The following PTAFR variants were observed in gnomAD, a reference collection of about 807,000 sequenced individuals.
PTAFR encodes platelet-activating factor receptor.
In PTAFR, 8 loss-of-function variants were observed where a neutral mutation model predicts 14.7. The ratio of observed to expected loss-of-function variants is 0.54; its 90% CI spans 0.32 to 0.98. The LOEUF (loss-of-function observed/expected upper bound fraction) is 0.98, where lower values mean the gene tolerates loss of function less well. PTAFR is among the 50% of genes least tolerant of loss of function. PTAFR has a pLI of 0.04. For missense variants in PTAFR, 337 were observed against 451.2 expected (o/e 0.75, Z 2.29); for synonymous variants, 156 against 176.5 (o/e 0.88, Z 0.92).
chr1:28,161,476 G>A (rs1286034424), intron 1 of PTAFR, among the ~76,000 whole-genome samples: 1 of 152,160 alleles, frequency 6.6e-6, no homozygotes, highest in Non-Finnish European at 1.5e-5. Context: ...AATAAAAATA[G>A]TAACATGAAG....
At chr1:28,191,876 G>C (rs1267091678) in intron 1 of PTAFR, among the ~76,000 whole-genome samples, 1 of 151,818 alleles carries the variant, frequency 6.6e-6, no homozygotes, top group Non-Finnish European at 1.5e-5. Context: ...AACCAGCCTA[G>C]GCAACATGAT....
chr1:28,184,308 G>T (rs1472246674), intron 1 of PTAFR, among the ~76,000 whole-genome samples: 1 of 151,898 alleles, frequency 6.6e-6, no homozygotes, highest in Non-Finnish European at 1.5e-5. Context: ...GGCCAGGCTG[G>T]TCTTGAACAC....
intron 1 of PTAFR, among the ~76,000 whole-genome samples, chr1:28,173,260 C>T (rs1214246554): frequency 1.6e-5 from 2 of 128,734 alleles, no homozygotes; most frequent in Non-Finnish European, 3.1e-5. Flanking sequence ...TGCTCTTCAG[C>T]CTGGGTGACA....
At chr1:28,183,922 T>C (rs1343923320) in intron 1 of PTAFR, among the ~76,000 whole-genome samples, 1 of 151,714 alleles carries the variant, frequency 6.6e-6, no homozygotes, top group Non-Finnish European at 1.5e-5. Flanking sequence ...AAACTTTAAA[T>C]GATGGATGGA....
At chr1:28,169,681 A>G (rs565346655) in intron 1 of PTAFR, among the ~76,000 whole-genome samples, 7 of 152,240 alleles carry the variant, frequency 4.6e-5, no homozygotes, top group African/African-American at 1.7e-4. Flanking sequence ...AGTGGTGTGA[A>G]GAGTCAATGA....
chr1:28,156,944 A>G (rs1176429006), intron 1 of PTAFR, among the ~76,000 whole-genome samples: 1 of 151,188 alleles, frequency 6.6e-6, no homozygotes, highest in Non-Finnish European at 1.5e-5. Context: ...TCAGGTCCGC[A>G]CCTCCCTGCT....
intron 1 of PTAFR, among the ~76,000 whole-genome samples, chr1:28,173,964 C>T (rs1422552438): frequency 6.6e-6 from 1 of 152,212 alleles, no homozygotes; most frequent in African/African-American, 2.4e-5. Context: ...GGGGAGCTGT[C>T]TGGCTGGAGC....
In PTAFR at chr1:28,148,143, C is replaced by G. The variant is rs1013891713; in HGVS notation, c.*1850G>C. The G allele has an allele frequency of 4.6e-5, 7 of 152,212 alleles. No individual in the cohort carries two copies. Among genetic ancestry groups the G allele is most frequent in the Admixed American group, 2.0e-4 (3 of 15,276 alleles). The allele number at this position is 152,212 out of a possible 1,614,324, so 9.4% of individuals were successfully genotyped here. ...GCTCTAGAAACCAGAGAAGTTTCCTCTGAGCCCCTTGGGTCTGAGGCTGCC... is the reference window on the plus strand; with the variant it reads ...GCTCTAGAAACCAGAGAAGTTTCCTGTGAGCCCCTTGGGTCTGAGGCTGCC... On this transcript the variant is annotated 3_prime_UTR_variant, in exon 2 of 2. Transcript: ENST00000373857.
At position 28,150,260 on chromosome 1, in the gene PTAFR, G is replaced by C; in HGVS notation, c.762C>G (p.Pro254=). 1 of 1,612,786 alleles carries C rather than the reference G, an allele frequency of 6.2e-7. No homozygotes were observed. Among genetic ancestry groups the C allele is most frequent in the Non-Finnish European group, 8.5e-7 (1 of 1,178,988 alleles). ...GGAAGCCCAGCTCAGCAAGGGTCCA[G>C]GGCAGCTGCACCACGTGGTGGGGCA... The part of the protein sequence containing the change: ...CFVPHHVVQL[P]WTLAELGFQD... The change falls in exon 2 of 2, where the codon CCC becomes CCG. Residue 254 remains proline, a synonymous_variant. Coordinates refer to ENST00000373857, the MANE Select transcript of PTAFR (RefSeq NM_000952.5). The surrounding 1 kb of genome is among the most constrained non-coding windows in gnomAD (Gnocchi z 6.3).
chr1:28,169,311 A>T (rs1202943013), intron 1 of PTAFR, among the ~76,000 whole-genome samples: 2 of 152,010 alleles, frequency 1.3e-5, no homozygotes, highest in South Asian at 4.1e-4. Flanking sequence ...AAAAAAAAAA[A>T]TCAATGGGCC....
intron 1 of PTAFR, among the ~76,000 whole-genome samples, chr1:28,168,222 C>G (rs1358559404): frequency 6.7e-6 from 1 of 150,296 alleles, no homozygotes; most frequent in African/African-American, 2.5e-5. Context: ...CCGCCCTCCT[C>G]GGCCACCCAA....
At chr1:28,166,615 G>A (rs1056509762) in intron 1 of PTAFR, among the ~76,000 whole-genome samples, 1 of 151,542 alleles carries the variant, frequency 6.6e-6, no homozygotes, top group Admixed American at 6.6e-5. Flanking sequence ...AGGTTGCAGT[G>A]AGCCAAGATC....
chr1:28,154,722 G>C (rs1177687945), intron 1 of PTAFR, among the ~76,000 whole-genome samples: 1 of 145,414 alleles, frequency 6.9e-6, no homozygotes, highest in Non-Finnish European at 1.5e-5. Context: ...TGAGACAGGA[G>C]AATCGCTTGA....
intron 1 of PTAFR, among the ~76,000 whole-genome samples, chr1:28,170,641 A>G (rs1646442791): frequency 6.6e-6 from 1 of 152,068 alleles, no homozygotes. Context: ...TGGGTCCATT[A>G]CAGTAAGCTA....
intron 1 of PTAFR, among the ~76,000 whole-genome samples, chr1:28,158,427 C>T (rs1388769462): frequency 4.6e-5 from 7 of 152,120 alleles, no homozygotes; most frequent in African/African-American, 1.2e-4. Flanking sequence ...GGGCCAGGCG[C>T]GGTGGCTCAC....
rs755520147 is a variant in PTAFR, at chr1:28,149,950, A to C, written c.*43T>G. 1.3e-4 allele frequency: 206 copies of C among 1,575,492 alleles called. No individual in the cohort carries two copies. Among genetic ancestry groups the C allele is most frequent in the Non-Finnish European group, 1.7e-4 (194 of 1,158,880 alleles). On this transcript the variant is annotated 3_prime_UTR_variant, in exon 2 of 2. Coordinates refer to ENST00000373857, the MANE Select transcript of PTAFR (RefSeq NM_000952.5). The stretch of plus-strand genomic sequence containing the variant: ...ATCCCTTCTTCCCCCAGCTCAGTCC[A>C]TGATGTTCATGGAGGAGAAGACTTC...
rs1227450033 is a variant in PTAFR at position 28,149,917 on chromosome 1, C to T, written c.*76G>A. On this transcript the variant is annotated 3_prime_UTR_variant, in exon 2 of 2. Coordinates refer to ENST00000373857, the MANE Select transcript of PTAFR (RefSeq NM_000952.5). ...GCCCACAGAGGTGGTGCCCAGACCA[C>T]AGTAGATATCCCTTCTTCCCCCAGC... is the stretch of plus-strand genomic sequence containing the variant. The T allele has an allele frequency of 6.6e-7, 1 of 1,526,208 alleles. No individual in the cohort carries two copies. The highest frequency in any genetic ancestry group is 8.9e-7 in the Non-Finnish European group (1 of 1,129,040). 94.5% of individuals were successfully genotyped at this position (1,526,208 alleles called of 1,614,324 possible).
rs901809370 is a variant in PTAFR at position 28,184,139 on chromosome 1, C to T, written c.-39+9583G>A. ...CTGGAGTCTCATTCTGTCACCCAGG[C>T]TGGAGTGCAGTAGCGTGATCTCAGC... On this transcript the variant is annotated intron_variant, in intron 1 of 1. Transcript: ENST00000305392. 2.3e-5 allele frequency among the ~76,000 whole-genome samples: 3 copies of T among 130,362 alleles called. No homozygotes were observed. In the Admixed American group the frequency reaches 2.7e-4, roughly 12 times the overall value. The allele number at this position is 130,362 out of a possible 152,430, so 85.5% of individuals were successfully genotyped here. A position where few individuals can be genotyped will look rare whatever the true frequency, so the allele number is the denominator to read the frequency against.
At chr1:28,156,218 A>G (rs1208255944) in intron 1 of PTAFR, among the ~76,000 whole-genome samples, 3 of 152,094 alleles carry the variant, frequency 2.0e-5, no homozygotes, top group Admixed American at 2.0e-4. Flanking sequence ...AGCCGAGATC[A>G]TGCCATTGCA....
Sources: gnomAD v4.1 joint callset for allele counts (sites outside exome capture counted in the v4.1 genomes callset) on GRCh38, gnomAD v4.1.1 for gene constraint, Gnocchi (gnomAD v3.1) non-coding constraint, MANE v1.5 for transcripts, NCBI Gene and HGNC (gene_info 2026-07-23, HGNC 2026-07-21) for gene names.